Variants in CUX2 observed in about 807,000 individuals in gnomAD.
CUX2 encodes homeobox protein cut-like 2.
CUX2 carries 40 observed loss-of-function variants against 144.8 expected under a neutral mutation model. The observed-to-expected ratio is 0.28, with a 90% CI of 0.21 to 0.36. The LOEUF is 0.36. Ranked by LOEUF, CUX2 falls within the 10% of genes least tolerant of loss-of-function variation. The pLI is 1.00. For missense variants in CUX2, 1,615 were observed against 1,994.0 expected (o/e 0.81, Z 3.62); for synonymous variants, 827 against 875.6 (o/e 0.94, Z 0.98).
intron 1 of CUX2, among the ~76,000 whole-genome samples, chr12:111,125,323 G>T (rs1304306645): frequency 6.6e-6 from 1 of 152,112 alleles, no homozygotes; most frequent in Non-Finnish European, 1.5e-5. Flanking sequence ...GGGACTCCAG[G>T]CACGTGCCAC....
chr12:111,167,985 C>T (rs879708437), intron 1 of CUX2, among the ~76,000 whole-genome samples: 14 of 152,274 alleles, frequency 9.2e-5, no homozygotes, highest in Non-Finnish European at 1.8e-4. Flanking sequence ...TGAGCCACTG[C>T]GCTCAGGGTA....
chr12:111,213,770 A>G lies in CUX2; in HGVS notation c.64-430A>G, dbSNP rs990208567. On this transcript the variant is annotated intron_variant, in intron 1 of 21. Transcript: ENST00000261726. The stretch of plus-strand genomic sequence containing the variant: ...CTGATATATGAAAGCTGTCGACAGC[A>G]CTTTCTTCCACTATAATATGCCCAT... Among the ~76,000 whole-genome samples, 7 of 152,334 alleles carry G rather than the reference A, an allele frequency of 4.6e-5. No homozygotes were observed. The South Asian group carries it at 1.2e-3, about 27-fold the overall frequency.
chr12:111,168,871 G>A (rs1878326788), intron 1 of CUX2, among the ~76,000 whole-genome samples: 1 of 152,124 alleles, frequency 6.6e-6, no homozygotes, highest in African/African-American at 2.4e-5. Flanking sequence ...ATGCTCAGCC[G>A]GGTGGGGGTT....
chr12:111,062,862 A>T (rs950375508), intron 1 of CUX2, among the ~76,000 whole-genome samples: 1 of 152,014 alleles, frequency 6.6e-6, no homozygotes, highest in African/African-American at 2.4e-5. Context: ...GGGGTGGGAG[A>T]CCATACCTCT....
chr12:111,060,306 C>T (rs1351151319), intron 1 of CUX2, among the ~76,000 whole-genome samples: 1 of 152,240 alleles, frequency 6.6e-6, no homozygotes, highest in Non-Finnish European at 1.5e-5. Context: ...ATGCCTTACG[C>T]TGTCTTACAT....
Position 111,034,817 on chromosome 12 carries a change from G to A in CUX2, c.63+577G>A, listed in dbSNP as rs1281223063. Among the ~76,000 whole-genome samples the A allele has an allele frequency of 6.7e-6, 1 of 149,014 alleles. No individual in the cohort carries two copies. The highest frequency in any genetic ancestry group is 1.5e-5 in the Non-Finnish European group (1 of 66,736). The stretch of plus-strand genomic sequence containing the variant: ...GCCGCTCGCCGGCACCTCAGCCTTC[G>A]CCGCCCGCCTGGCTGCGCAGCCCGG... On this transcript the variant is annotated intron_variant, in intron 1 of 21. Transcript: ENST00000261726. This position sits in a 1 kb window ranked among gnomAD's most constrained non-coding sequence, Gnocchi z 4.2.
chr12:111,102,367 G>T (rs1873307485), intron 1 of CUX2, among the ~76,000 whole-genome samples: 2 of 152,236 alleles, frequency 1.3e-5, no homozygotes, highest in Admixed American at 1.3e-4. Flanking sequence ...GCTTGTGGCG[G>T]TTGTGGGCAT....
chr12:111,280,792 T>TC (rs562414637), intron 4 of CUX2, among the ~76,000 whole-genome samples: 23 of 152,240 alleles, frequency 1.5e-4, no homozygotes, highest in African/African-American at 5.5e-4. Context: ...TCCTGAGGAC[T>TC]CCAATCATTG....
intron 10 of CUX2, among the ~76,000 whole-genome samples, 188 bp from the exon 11 acceptor site, chr12:111,306,733 T>C (rs1379755495): frequency 6.6e-6 from 1 of 152,164 alleles, no homozygotes; most frequent in Non-Finnish European, 1.5e-5. Flanking sequence ...AAAGTGTAAC[T>C]TAATACATAA....
intron 18 of CUX2, among the ~76,000 whole-genome samples, chr12:111,323,988 GA>G (rs1475932544): frequency 6.6e-6 from 1 of 152,120 alleles, no homozygotes; most frequent in Non-Finnish European, 1.5e-5. Context: ...AGTGAGCTAT[GA>G]TCATGCCACT....
chr12:111,130,304 G>T (rs924085326), intron 1 of CUX2, among the ~76,000 whole-genome samples: 4 of 152,182 alleles, frequency 2.6e-5, no homozygotes, highest in Non-Finnish European at 2.9e-5. Context: ...CCTTGATCTA[G>T]AACTTTACTG....
rs1878987995 is a variant in CUX2 at position 111,178,554 on chromosome 12, A to G, written c.64-35646A>G. Among the ~76,000 whole-genome samples the G allele has an allele frequency of 1.3e-5, 2 of 151,852 alleles. No homozygotes were observed. Among genetic ancestry groups the G allele is most frequent in the Non-Finnish European group, 2.9e-5 (2 of 67,928 alleles). On this transcript the variant is annotated intron_variant, in intron 1 of 21. Transcript: ENST00000261726. This position sits in a 1 kb window ranked among gnomAD's most constrained non-coding sequence, Gnocchi z 5.7. ...ACTAGAACTGGATTTGCAAGGGACC[A>G]GCTGGGATGGAAAGGGAATGGTCAC...
rs907828797 is a variant in CUX2 at position 111,057,678 on chromosome 12, C to T, written c.63+23438C>T. 6.6e-6 allele frequency among the ~76,000 whole-genome samples: 1 copy of T among 152,208 alleles called. No homozygotes were observed. Among genetic ancestry groups the T allele is most frequent in the African/African-American group, 2.4e-5 (1 of 41,450 alleles). ...CCAGAAAGAGTGACTCCCACCTCAA[C>T]AGCCTGGAAGCACTCCAACTACCGT... On this transcript the variant is annotated intron_variant, in intron 1 of 21. Coordinates refer to ENST00000261726, the MANE Select transcript of CUX2 (RefSeq NM_015267.4). The surrounding 1 kb of genome is among the most constrained non-coding windows in gnomAD (Gnocchi z 5.1).
chr12:111,213,076 G>A lies in CUX2; in HGVS notation c.64-1124G>A, dbSNP rs181962228. 2.2e-3 allele frequency among the ~76,000 whole-genome samples: 331 copies of A among 152,252 alleles called. 1 individual carries two copies. The highest frequency in any genetic ancestry group is 7.3e-3 in the African/African-American group (303 of 41,552). On this transcript the variant is annotated intron_variant, in intron 1 of 21. Transcript: ENST00000261726. The stretch of plus-strand genomic sequence containing the variant: ...GAGTTCACCCTAGAAATACACTCCC[G>A]CATCTGCGTGTGTGTTTTTAATAAA...
rs375824632 is a variant in CUX2, at chr12:111,161,035, C to T, written c.64-53165C>T. Among the ~76,000 whole-genome samples, 7 of 152,240 alleles carry T rather than the reference C, an allele frequency of 4.6e-5. No individual in the cohort carries two copies. The South Asian group carries it at 1.2e-3, about 27-fold the overall frequency. ...GGTCCGCAGTGGGTGGGTGGTGGAG[C>T]TCAGAGACCTGGGGGCTGGAGGTGA... is the stretch of plus-strand genomic sequence containing the variant. On this transcript the variant is annotated intron_variant, in intron 1 of 21. Coordinates refer to ENST00000261726, the MANE Select transcript of CUX2 (RefSeq NM_015267.4).
intron 3 of CUX2, among the ~76,000 whole-genome samples, chr12:111,221,567 G>T (rs764612611): frequency 5.3e-5 from 8 of 152,090 alleles, no homozygotes; most frequent in Non-Finnish European, 1.0e-4. Flanking sequence ...TAAAACGCCA[G>T]GGCAGAATAT....
At chr12:111,158,308 A>G (rs1877524853) in intron 1 of CUX2, among the ~76,000 whole-genome samples, 1 of 151,944 alleles carries the variant, frequency 6.6e-6, no homozygotes, top group African/African-American at 2.4e-5. Flanking sequence ...GTCAATCCCC[A>G]TCTTTTAAGA....
intron 1 of CUX2, among the ~76,000 whole-genome samples, chr12:111,179,590 C>CATG: frequency 6.8e-6 from 1 of 147,150 alleles, no homozygotes; most frequent in Middle Eastern, 3.5e-3. Flanking sequence ...GAGCCATCGC[C>CATG]GTGGTTGTTG....
chr12:111,118,586 A>G (rs1053166570), intron 1 of CUX2, among the ~76,000 whole-genome samples: 4 of 152,100 alleles, frequency 2.6e-5, no homozygotes, highest in African/African-American at 9.7e-5. Context: ...CGCCTCCACC[A>G]TCAGCCTCAA....
Sources: allele counts gnomAD v4.1 joint callset (sites outside exome capture counted in the v4.1 genomes callset), GRCh38; gene constraint gnomAD v4.1.1; non-coding constraint Gnocchi (gnomAD v3.1); transcripts MANE v1.5; gene names NCBI Gene and HGNC (gene_info 2026-07-23, HGNC 2026-07-21).